Variants in EPHA3 observed in about 807,000 individuals in gnomAD.
The protein encoded by EPHA3 is ephrin type-A receptor 3.
Under a neutral mutation model 107.1 loss-of-function variants are expected in EPHA3, and 42 were observed. That is an observed-to-expected ratio of 0.39 (90% confidence interval 0.31 to 0.51). The LOEUF (loss-of-function observed/expected upper bound fraction) is 0.51. Among genes scored for constraint, EPHA3 ranks in the 20% least tolerant of loss-of-function variants. The pLI, the probability that EPHA3 is intolerant of heterozygous loss-of-function variation, is 0.78. For missense variants in EPHA3, 1,183 were observed against 1,211.2 expected (o/e 0.98, Z 0.35); for synonymous variants, 461 against 424.8 (o/e 1.09, Z -1.05).
chr3:89,114,818 G>C (rs1707215582), intron 1 of EPHA3, among the ~76,000 whole-genome samples: 1 of 152,218 alleles, frequency 6.6e-6, no homozygotes, highest in South Asian at 2.1e-4. Flanking sequence ...AGAGCACGGC[G>C]TACTCCTTGC....
At chr3:89,279,442 G>C (rs761881172) in intron 3 of EPHA3, among the ~76,000 whole-genome samples, 4 of 151,528 alleles carry the variant, frequency 2.6e-5, no homozygotes, top group Non-Finnish European at 4.4e-5. Flanking sequence ...TAAATTTTTG[G>C]GTTTTTCAAA....
intron 5 of EPHA3, among the ~76,000 whole-genome samples, chr3:89,369,147 G>T (rs1184883088): frequency 6.7e-6 from 1 of 150,144 alleles, no homozygotes; most frequent in African/African-American, 2.4e-5. Flanking sequence ...CTCAAGGAAT[G>T]GTAAGAAGGA....
At chr3:89,263,894 A>G (rs1705478024) in intron 3 of EPHA3, among the ~76,000 whole-genome samples, 1 of 151,912 alleles carries the variant, frequency 6.6e-6, no homozygotes, top group South Asian at 2.1e-4. Context: ...CCCTATCACT[A>G]TTTCCAAGTA....
At chr3:89,166,545 A>C (rs192367853) in intron 2 of EPHA3, among the ~76,000 whole-genome samples, 1 of 152,216 alleles carries the variant, frequency 6.6e-6, no homozygotes. Flanking sequence ...TATAAAAACA[A>C]CACCAACCAT....
chr3:89,372,701 T>C (rs1708331369), intron 5 of EPHA3, among the ~76,000 whole-genome samples: 1 of 151,802 alleles, frequency 6.6e-6, no homozygotes, highest in Admixed American at 6.6e-5. Flanking sequence ...TTTATAGTCA[T>C]TCATTTGAAC....
At chr3:89,478,634 G>A (rs1442636772) in intron 16 of EPHA3, among the ~76,000 whole-genome samples, 5 of 152,120 alleles carry the variant, frequency 3.3e-5, no homozygotes, top group African/African-American at 1.2e-4. Flanking sequence ...AGAGCCCCCA[G>A]AGAGGATATC....
At chr3:89,345,675 T>G (rs1195149494) in intron 5 of EPHA3, among the ~76,000 whole-genome samples, 2 of 147,634 alleles carry the variant, frequency 1.4e-5, no homozygotes, top group Non-Finnish European at 3.0e-5. Context: ...TGCAGGTTAG[T>G]TACATATGTA....
chr3:89,228,370 A>G (rs1189805735), intron 3 of EPHA3, among the ~76,000 whole-genome samples: 2 of 151,954 alleles, frequency 1.3e-5, no homozygotes, highest in Admixed American at 6.6e-5. Context: ...GTTATAAAGG[A>G]TTAATTTCCT....
intron 3 of EPHA3, among the ~76,000 whole-genome samples, chr3:89,321,360 C>T (rs1206149188): frequency 6.6e-6 from 1 of 152,030 alleles, no homozygotes; most frequent in Non-Finnish European, 1.5e-5. Flanking sequence ...TGAAGCTATT[C>T]CTTTTCCTAC....
intron 3 of EPHA3, among the ~76,000 whole-genome samples, chr3:89,338,923 A>G (rs1707454104): frequency 1.3e-5 from 2 of 152,034 alleles, no homozygotes; most frequent in South Asian, 4.1e-4. Context: ...AATTATCAAG[A>G]TTATTGATAG....
intron 2 of EPHA3, among the ~76,000 whole-genome samples, chr3:89,149,707 C>T (rs949478656): frequency 2.1e-5 from 3 of 140,350 alleles, no homozygotes; most frequent in Admixed American, 7.8e-5. Flanking sequence ...TTGTTCAATT[C>T]GGCATTACAA....
At chr3:89,124,938 T>C (rs1365715506) in intron 1 of EPHA3, among the ~76,000 whole-genome samples, 1 of 151,916 alleles carries the variant, frequency 6.6e-6, no homozygotes, top group Non-Finnish European at 1.5e-5. Flanking sequence ...CTCCTTTGAG[T>C]AGAAACCAAA....
At chr3:89,307,685 G>C (rs1022099289) in intron 3 of EPHA3, among the ~76,000 whole-genome samples, 1 of 152,008 alleles carries the variant, frequency 6.6e-6, no homozygotes, top group Admixed American at 6.6e-5. Flanking sequence ...CCAAGTAGCT[G>C]GGACAGCAGG....
chr3:89,245,203 G>A (rs1705003393), intron 3 of EPHA3, among the ~76,000 whole-genome samples: 1 of 152,068 alleles, frequency 6.6e-6, no homozygotes, highest in African/African-American at 2.4e-5. Context: ...AAAGATTTAT[G>A]TACTCTTTAT....
At chr3:89,307,917 T>C (rs1003080862) in intron 3 of EPHA3, among the ~76,000 whole-genome samples, 1 of 152,156 alleles carries the variant, frequency 6.6e-6, no homozygotes, top group Non-Finnish European at 1.5e-5. Context: ...TTTAATATGG[T>C]AAGTTTAACC....
chr3:89,408,575 C>A (rs908773190), intron 9 of EPHA3, among the ~76,000 whole-genome samples: 1 of 151,994 alleles, frequency 6.6e-6, no homozygotes, highest in African/African-American at 2.4e-5. Flanking sequence ...CTAGAAAGAG[C>A]CTTTAAAATA....
Position 89,476,354 on chromosome 3 carries a change from C to T in EPHA3, c.2847-3043C>T, listed in dbSNP as rs1355710993. 2.7e-5 allele frequency among the ~76,000 whole-genome samples: 4 copies of T among 148,082 alleles called. No homozygotes were observed. The East Asian group carries it at 7.9e-4, about 29-fold the overall frequency. On this transcript the variant is annotated intron_variant, in intron 16 of 16. Transcript: ENST00000336596. ...AGAAGTGATGAGGAATGTCTCAAAT[C>T]AGTCTGTGAACTCAGCATCACATTT...
chr3:89,341,217 A>G (rs1707514049), intron 4 of EPHA3, 146 bp downstream of exon 4: 2 of 812,132 alleles, frequency 2.5e-6, no homozygotes, highest in Admixed American at 5.4e-5. Context: ...TTCACTCCCC[A>G]TGCTTGGCTC....
intron 2 of EPHA3, among the ~76,000 whole-genome samples, chr3:89,163,470 C>A (rs1704993763): frequency 2.0e-5 from 3 of 152,016 alleles, no homozygotes; most frequent in Admixed American, 2.0e-4. Flanking sequence ...ACCTTTTTAT[C>A]ATATTTTTTA....
Sources: gnomAD v4.1 joint callset for allele counts (sites outside exome capture counted in the v4.1 genomes callset) on GRCh38, gnomAD v4.1.1 for gene constraint, MANE v1.5 for transcripts, NCBI Gene and HGNC (gene_info 2026-07-23, HGNC 2026-07-21) for gene names.